CENPF: variants seen among roughly 807,000 people sequenced by gnomAD.
The protein encoded by CENPF is centromere protein F, also known as AH antigen.
A neutral mutation model predicts 307.3 loss-of-function variants in CENPF; 214 were observed. That is an observed-to-expected ratio of 0.70 (90% CI 0.62 to 0.78). The LOEUF (loss-of-function observed/expected upper bound fraction) is 0.78. CENPF is among the 30% of genes least tolerant of loss of function. The pLI, the probability that CENPF is intolerant of heterozygous loss-of-function variation, is 0.00. For missense variants in CENPF, 3,401 were observed against 3,483.9 expected (o/e 0.98, Z 0.60); for synonymous variants, 1,259 against 1,270.6 (o/e 0.99, Z 0.19).
chr1:214,638,092 T>C (rs1658011881), intron 11 of CENPF, 91 bp downstream of exon 11: 1 of 1,309,830 alleles, frequency 7.6e-7, no homozygotes, highest in Admixed American at 2.7e-5. Context: ...AGAAACTCTT[T>C]GGATTTTTTT....
rs1276824681 is a variant in CENPF, at chr1:214,652,678, C to G, written c.8161-150C>G. ...CAGGATGGCCTTGAACTCCTGACCT[C>G]GTGATCTGCCCACCTTGGCCTCCCA... On this transcript the variant is annotated intron_variant, in intron 15 of 19. Transcript: ENST00000366955. The G allele has an allele frequency of 5.7e-6, 3 of 524,374 alleles. No individual in the cohort carries two copies. In the African/African-American group the frequency reaches 6.1e-5, roughly 11 times the overall value. 32.5% of individuals were successfully genotyped at this position (524,374 alleles called of 1,614,324 possible).
intron 8 of CENPF, 135 bp from the exon 9 acceptor site, chr1:214,630,399 A>T: frequency 1.9e-6 from 2 of 1,028,372 alleles, no homozygotes; most frequent in East Asian, 2.4e-5. Flanking sequence ...GTTCATCGTT[A>T]AGTGGACAGT....
chr1:214,649,275 C>G (rs1452535885), intron 14 of CENPF, among the ~76,000 whole-genome samples: 2 of 152,156 alleles, frequency 1.3e-5, no homozygotes, highest in East Asian at 3.8e-4. Context: ...TGTGGCACAC[C>G]TATAGCACTT....
In CENPF at chr1:214,641,072, G is replaced by T. The variant is rs200976140; in HGVS notation, c.2734G>T (p.Glu912Ter). 25 of 1,565,854 alleles carry T rather than the reference G, an allele frequency of 1.6e-5. No individual in the cohort carries two copies. The highest frequency in any genetic ancestry group is 2.1e-5 in the Non-Finnish European group (24 of 1,165,182). The change falls in exon 12 of 20, where the codon GAG becomes TAG. Residue 912 changes from glutamate to a stop codon, truncating the protein, a stop_gained. Coordinates refer to ENST00000366955, the MANE Select transcript of CENPF (RefSeq NM_016343.4). LOFTEE classifies it high-confidence loss of function. ...AAGTGCCCTTGAGAACAAGGAAAAAGAGCTGCAACTTTTAAATGATAAGGT... is the reference window on the plus strand; with the variant it reads ...AAGTGCCCTTGAGAACAAGGAAAAATAGCTGCAACTTTTAAATGATAAGGT... Reference protein sequence around the residue: ...TLSALENKEKELQLLNDKVET... With the variant: ...TLSALENKEK
intron 19 of CENPF, among the ~76,000 whole-genome samples, chr1:214,660,703 G>A (rs1658766693): frequency 6.6e-6 from 1 of 152,128 alleles, no homozygotes; most frequent in Non-Finnish European, 1.5e-5. Flanking sequence ...CACACTTCTG[G>A]AGATCAAACG....
chr1:214,656,454 A>T (rs954749758), intron 17 of CENPF, among the ~76,000 whole-genome samples: 1 of 152,028 alleles, frequency 6.6e-6, no homozygotes, highest in African/African-American at 2.4e-5. Flanking sequence ...CAGATCCTCC[A>T]TTGCCTTCAG....
At chr1:214,614,261 A>G (rs553616296) in intron 2 of CENPF, among the ~76,000 whole-genome samples, 1 of 152,256 alleles carries the variant, frequency 6.6e-6, no homozygotes, top group Non-Finnish European at 1.5e-5. Flanking sequence ...TGCACTGCAT[A>G]GCAACAAGGC....
At chr1:214,652,471 C>G (rs12751172) in intron 15 of CENPF, among the ~76,000 whole-genome samples, 1 of 141,606 alleles carries the variant, frequency 7.1e-6, no homozygotes, top group Admixed American at 7.1e-5. Flanking sequence ...TGAGACTGAG[C>G]CTCACTCTGT....
chr1:214,606,401 T>A (rs1008318615), intron 1 of CENPF, among the ~76,000 whole-genome samples: 5 of 152,226 alleles, frequency 3.3e-5, no homozygotes, highest in South Asian at 4.1e-4. Flanking sequence ...CTCCTCCTGA[T>A]CACCCCTAGG....
chr1:214,632,394 A>G, intron 9 of CENPF, 86 bp from the exon 10 acceptor site: 3 of 1,442,196 alleles, frequency 2.1e-6, no homozygotes, highest in Non-Finnish European at 2.9e-6. Context: ...TTGATATTCC[A>G]TGACCATTTT....
intron 5 of CENPF, 102 bp from the exon 6 acceptor site, chr1:214,620,553 C>A: frequency 8.2e-7 from 1 of 1,217,812 alleles, no homozygotes. Context: ...TGCAGTGCAA[C>A]TGTTAACTTC....
chr1:214,662,313 A>G (rs1297737045), intron 19 of CENPF, among the ~76,000 whole-genome samples: 2 of 150,910 alleles, frequency 1.3e-5, no homozygotes, highest in Admixed American at 1.3e-4. Flanking sequence ...CTTTCCATGG[A>G]TGGTAATTTT....
chr1:214,617,880 C>A (rs897149370), intron 3 of CENPF, among the ~76,000 whole-genome samples: 1 of 152,132 alleles, frequency 6.6e-6, no homozygotes, highest in African/African-American at 2.4e-5. Flanking sequence ...TATTCCAATC[C>A]TCCAACTCTT....
chr1:214,608,503 G>A, intron 1 of CENPF: 4 of 1,612,240 alleles, frequency 2.5e-6, no homozygotes, highest in South Asian at 1.1e-5. Context: ...GAAGAGGACC[G>A]TGTACCTGGC....
At chr1:214,636,326 C>G (rs980649239) in intron 10 of CENPF, among the ~76,000 whole-genome samples, 1 of 152,110 alleles carries the variant, frequency 6.6e-6, no homozygotes, top group Non-Finnish European at 1.5e-5. Flanking sequence ...CCTTAATGAT[C>G]GTGCTTTGCA....
At chr1:214,606,082 G>A in intron 1 of CENPF, 3 of 1,588,820 alleles carry the variant, frequency 1.9e-6, no homozygotes, top group Non-Finnish European at 2.6e-6. Flanking sequence ...TGCCGTACCT[G>A]GAGGCGCCGG....
At position 214,648,639 on chromosome 1, in the gene CENPF, C is replaced by T. The variant is rs770273991; in HGVS notation, c.7831-36C>T. ...TGGTCGATCTGATCAAAACAGACCACCAAAAAGCAGATTCTAATGAAAGAT... is the reference window on the plus strand; with the variant it reads ...TGGTCGATCTGATCAAAACAGACCATCAAAAAGCAGATTCTAATGAAAGAT... On this transcript the variant is annotated intron_variant, in intron 13 of 19. Coordinates refer to ENST00000366955, the MANE Select transcript of CENPF (RefSeq NM_016343.4). 8.1e-6 allele frequency: 13 copies of T among 1,608,198 alleles called. No individual in the cohort carries two copies. The African/African-American group carries it at 1.3e-4, about 17-fold the overall frequency.
Position 214,641,025 on chromosome 1 carries a change from A to G in CENPF, c.2687A>G (p.Gln896Arg). Residue 896 changes from glutamine to arginine, a missense_variant, in exon 12 of 20, where the codon CAG (glutamine) becomes CGG (arginine). Gln to Arg is a conservative substitution (Grantham distance 43). Coordinates refer to ENST00000366955, the MANE Select transcript of CENPF (RefSeq NM_016343.4). ...TTACAGGAAGACACTTCTGCTCACCAGAATGTTGTTGCTGAAACCTTAAGT... is the reference window on the plus strand; with the variant it reads ...TTACAGGAAGACACTTCTGCTCACCGGAATGTTGTTGCTGAAACCTTAAGT... Reference protein sequence around the residue: ...SKLQEDTSAHQNVVAETLSAL... With the variant: ...SKLQEDTSAHRNVVAETLSAL... 2 of 1,567,912 alleles carry G rather than the reference A, an allele frequency of 1.3e-6. No homozygotes were observed. Among genetic ancestry groups the G allele is most frequent in the Non-Finnish European group, 1.7e-6 (2 of 1,164,948 alleles).
At chr1:214,651,409 G>A (rs1329790193) in intron 14 of CENPF, among the ~76,000 whole-genome samples, 1 of 152,170 alleles carries the variant, frequency 6.6e-6, no homozygotes, top group African/African-American at 2.4e-5. Flanking sequence ...AATAAACAAG[G>A]TTGGAAGCAT....
Sources: gnomAD v4.1 joint callset for allele counts (sites outside exome capture counted in the v4.1 genomes callset) on GRCh38, gnomAD v4.1.1 for gene constraint, MANE v1.5 for transcripts, NCBI Gene and HGNC (gene_info 2026-07-23, HGNC 2026-07-21) for gene names.